DNAJC3: variants seen among roughly 807,000 people sequenced by gnomAD.
DNAJC3 encodes the protein dnaJ homolog subfamily C member 3.
Under a neutral mutation model 68.6 loss-of-function variants are expected in DNAJC3, and 38 were observed. That is an observed-to-expected ratio of 0.55 (90% CI 0.43 to 0.73). DNAJC3 has a LOEUF of 0.73. DNAJC3 is among the 30% of genes least tolerant of loss of function. The probability of loss-of-function intolerance (pLI) is 0.00; values close to 1 mark genes in which losing one functional copy is unlikely to be tolerated. For missense variants in DNAJC3, 526 were observed against 591.9 expected, an observed-to-expected ratio of 0.89 and a Z score of 1.16; for synonymous variants, 203 against 204.0, an observed-to-expected ratio of 1.00 and a Z score of 0.04.
intron 2 of DNAJC3, among the ~76,000 whole-genome samples, chr13:95,718,022 T>C (rs1881207516): frequency 6.6e-6 from 1 of 152,210 alleles, no homozygotes; most frequent in South Asian, 2.1e-4. Flanking sequence ...TTCTCATATT[T>C]GAATTGTTTG....
intron 4 of DNAJC3, among the ~76,000 whole-genome samples, chr13:95,727,826 C>G (rs1881579900): frequency 6.6e-6 from 1 of 152,148 alleles, no homozygotes; most frequent in South Asian, 2.1e-4. Flanking sequence ...CCACCATAGT[C>G]AAGACACTGA....
At chr13:95,720,732 T>A (rs1381064252) in intron 2 of DNAJC3, among the ~76,000 whole-genome samples, 1 of 152,202 alleles carries the variant, frequency 6.6e-6, no homozygotes, top group Admixed American at 6.5e-5. Flanking sequence ...CCTTGCCTCC[T>A]AAAGGAAGTT....
chr13:95,789,149 T>TAA (rs757162879), intron 11 of DNAJC3, among the ~76,000 whole-genome samples: 3 of 152,192 alleles, frequency 2.0e-5, no homozygotes, highest in African/African-American at 7.2e-5. Context: ...AGCTATATGC[T>TAA]AAGTCTTTTT....
chr13:95,718,463 A>G (rs926139399), intron 2 of DNAJC3, among the ~76,000 whole-genome samples: 1 of 152,228 alleles, frequency 6.6e-6, no homozygotes, highest in Non-Finnish European at 1.5e-5. Flanking sequence ...GTGCAGTGGT[A>G]TGATCTCAGC....
At chr13:95,763,811 C>G (rs778656406) in intron 8 of DNAJC3, 22 bp from the exon 9 acceptor site, 22 of 1,613,956 alleles carry the variant, frequency 1.4e-5, no homozygotes, top group Non-Finnish European at 1.7e-5. Flanking sequence ...ACCATAAATC[C>G]TTGTCTCACA....
At chr13:95,762,635 A>T (rs1167349391) in intron 7 of DNAJC3, among the ~76,000 whole-genome samples, 1 of 151,820 alleles carries the variant, frequency 6.6e-6, no homozygotes, top group African/African-American at 2.4e-5. Flanking sequence ...AAGTTCCAGG[A>T]TGTATGTGCA....
At chr13:95,731,556 T>C (rs1881708859) in intron 4 of DNAJC3, among the ~76,000 whole-genome samples, 1 of 152,236 alleles carries the variant, frequency 6.6e-6, no homozygotes, top group Non-Finnish European at 1.5e-5. Flanking sequence ...TTGAGATGAT[T>C]GTATGGTTTT....
In DNAJC3 at chr13:95,787,156, GTAT is replaced by G; in HGVS notation, c.1357+7_1357+9del. The G allele has an allele frequency of 6.2e-7, 1 of 1,608,472 alleles. No individual in the cohort carries two copies. Among genetic ancestry groups the G allele is most frequent in the Non-Finnish European group, 8.5e-7 (1 of 1,178,564 alleles). ...GCTAAAGAAGTCCTCTCTGATCCAG[GTAT>G]TATTAGCTTTTATTCCTTTGACTCA... On this transcript the variant is annotated splice_donor_variant and splice_donor_region_variant and intron_variant, in intron 11 of 11. Transcript: ENST00000602402. LOFTEE classifies it high-confidence loss of function.
chr13:95,715,957 G>A (rs1881130879), intron 2 of DNAJC3, among the ~76,000 whole-genome samples: 1 of 151,600 alleles, frequency 6.6e-6, no homozygotes, highest in Non-Finnish European at 1.5e-5. Flanking sequence ...AGGAGTTCGA[G>A]ACCAGCCTGG....
At chr13:95,755,272 A>G (rs73554917) in intron 4 of DNAJC3, among the ~76,000 whole-genome samples, 4,564 of 152,194 alleles carry the variant, frequency 0.03, 236 homozygotes, top group African/African-American at 0.11. Flanking sequence ...ATAGTGAGAC[A>G]ACCCTGTCTC....
chr13:95,785,098 C>T (rs776825839), intron 9 of DNAJC3, among the ~76,000 whole-genome samples: 14 of 152,070 alleles, frequency 9.2e-5, no homozygotes, highest in Non-Finnish European at 1.3e-4. Context: ...CTGAGTCATT[C>T]GGATTGTGGA....
intron 9 of DNAJC3, among the ~76,000 whole-genome samples, chr13:95,785,715 C>T (rs1459867722): frequency 1.3e-5 from 2 of 151,526 alleles, no homozygotes; most frequent in Non-Finnish European, 1.5e-5. Flanking sequence ...CCGCCCACCT[C>T]GACCTCCCAA....
At chr13:95,742,530 C>T in intron 4 of DNAJC3, 1 of 425,938 alleles carries the variant, frequency 2.3e-6, no homozygotes, top group Non-Finnish European at 4.6e-6. Flanking sequence ...GCAATGTGGA[C>T]TGCTGGGGGT....
intron 4 of DNAJC3, among the ~76,000 whole-genome samples, chr13:95,735,614 G>A (rs1316796358): frequency 1.3e-5 from 2 of 150,928 alleles, no homozygotes; most frequent in Non-Finnish European, 2.9e-5. Flanking sequence ...CCGCATAAAT[G>A]TCTTCTTTTG....
chr13:95,785,743 C>T (rs1441208621), intron 9 of DNAJC3, among the ~76,000 whole-genome samples, 196 bp from the exon 10 acceptor site: 1 of 151,818 alleles, frequency 6.6e-6, no homozygotes. Flanking sequence ...GGATCACAGG[C>T]ATGAGCCCCT....
intron 1 of DNAJC3, among the ~76,000 whole-genome samples, chr13:95,703,408 C>CA (rs1020241008): frequency 7.9e-5 from 12 of 152,096 alleles, no homozygotes; most frequent in African/African-American, 2.9e-4. Flanking sequence ...GAAGCATACA[C>CA]AAAAAAGTGG....
chr13:95,793,344 CTAA>C lies in DNAJC3; in HGVS notation c.*2316_*2318del, dbSNP rs1188614165. On this transcript the variant is annotated 3_prime_UTR_variant, in exon 12 of 12. Transcript: ENST00000602402. ...GGAGAGACAGTCACTCCTGCTTACCCTAATGTGTGACTGAGAAGCAGCCTGGGT... is the reference window on the plus strand; with the variant it reads ...GGAGAGACAGTCACTCCTGCTTACCCTGTGTGACTGAGAAGCAGCCTGGGT... The C allele has an allele frequency of 3.4e-5, 5 of 148,516 alleles. No homozygotes were observed. The highest frequency in any genetic ancestry group is 1.2e-4 in the African/African-American group (5 of 40,690). The allele number at this position is 148,516 out of a possible 1,614,324, so 9.2% of individuals were successfully genotyped here. A position where few individuals can be genotyped will look rare whatever the true frequency, so the allele number is the denominator to read the frequency against.
rs576742797 is a variant in DNAJC3 at position 95,747,954 on chromosome 13, G to T, written c.394-9690G>T. ...AGGGACAGGTAGAGAAAATATGACT[G>T]TCTTATTTCTATAAAAACTTCCTGG... On this transcript the variant is annotated intron_variant, in intron 4 of 11. Coordinates refer to ENST00000602402, the MANE Select transcript of DNAJC3 (RefSeq NM_006260.5). 3.9e-5 allele frequency among the ~76,000 whole-genome samples: 6 copies of T among 152,262 alleles called. 1 individual carries two copies. In the South Asian group the frequency reaches 1.0e-3, roughly 26 times the overall value.
At chr13:95,743,284 A>G (rs996971408) in intron 4 of DNAJC3, among the ~76,000 whole-genome samples, 4 of 152,230 alleles carry the variant, frequency 2.6e-5, no homozygotes, top group African/African-American at 9.6e-5. Context: ...GAAAAGGTTC[A>G]GAGAGCTGGG....
Sources: allele counts gnomAD v4.1 joint callset (sites outside exome capture counted in the v4.1 genomes callset), GRCh38; gene constraint gnomAD v4.1.1; transcripts MANE v1.5; gene names NCBI Gene and HGNC (gene_info 2026-07-23, HGNC 2026-07-21).